Variants in PAMR1 observed in about 807,000 individuals in gnomAD.
The protein encoded by PAMR1 is inactive serine protease PAMR1.
Under a neutral mutation model 81.8 loss-of-function variants are expected in PAMR1, and 88 were observed. That is an observed-to-expected ratio of 1.08 (90% CI 0.91 to 1.28). The LOEUF is 1.28. Among genes scored for constraint, PAMR1 ranks in the 50% most tolerant of loss-of-function variants. The probability of loss-of-function intolerance (pLI) is 0.00; values close to 1 mark genes in which losing one functional copy is unlikely to be tolerated. For synonymous variants in PAMR1, 336 were observed against 345.3 expected, an observed-to-expected ratio of 0.97 and a Z score of 0.30; for missense variants, 935 against 919.7, an observed-to-expected ratio of 1.02 and a Z score of -0.21.
chr11:35,433,879 G>C (rs532151060), intron 10 of PAMR1, among the ~76,000 whole-genome samples: 1 of 152,198 alleles, frequency 6.6e-6, no homozygotes, highest in East Asian at 1.9e-4. Context: ...TGGATGAAAA[G>C]ATAGATGGAT....
At chr11:35,527,864 A>G (rs1732450905), upstream of PAMR1, among the ~76,000 whole-genome samples, 1 of 151,826 alleles carries the variant, frequency 6.6e-6, no homozygotes, top group Non-Finnish European at 1.5e-5. Flanking sequence ...AGCACACCTT[A>G]CTCCTAAACC....
chr11:35,468,750 A>C (rs1856801084), intron 5 of PAMR1, among the ~76,000 whole-genome samples: 1 of 152,236 alleles, frequency 6.6e-6, no homozygotes, highest in Non-Finnish European at 1.5e-5. Flanking sequence ...ATACATTGTG[A>C]ATTTCAAGCT....
intron 2 of PAMR1, among the ~76,000 whole-genome samples, chr11:35,492,896 C>T (rs1048944253): frequency 6.6e-6 from 1 of 152,162 alleles, no homozygotes; most frequent in African/African-American, 2.4e-5. Context: ...GATTCAATCC[C>T]ACTTAACAAA....
intron 3 of PAMR1, among the ~76,000 whole-genome samples, chr11:35,491,791 A>T (rs1380505851): frequency 6.6e-6 from 1 of 152,244 alleles, no homozygotes; most frequent in Non-Finnish European, 1.5e-5. Context: ...TAAAGCAGAA[A>T]GCCTTGGCCT....
At position 35,470,933 on chromosome 11, in the gene PAMR1, G is replaced by T. The variant is rs951676289; in HGVS notation, c.495-115C>A. On this transcript the variant is annotated intron_variant, in intron 4 of 10. Transcript: ENST00000619888. ...GCCTGAGGAACAGATGGTGTCACTG[G>T]CCTGATCGGATAGGAAAATGGTCCT... 4.2e-6 allele frequency: 3 copies of T among 711,828 alleles called. No homozygotes were observed. In the African/African-American group the frequency reaches 5.3e-5, roughly 13 times the overall value. 44.1% of individuals were successfully genotyped at this position (711,828 alleles called of 1,614,324 possible).
intron 6 of PAMR1, among the ~76,000 whole-genome samples, chr11:35,449,415 G>T (rs1045899977): frequency 6.6e-6 from 1 of 152,218 alleles, no homozygotes. Flanking sequence ...CCCCTGGCTG[G>T]AGTTGCCGGA....
chr11:35,446,901 T>C (rs1331164832), intron 6 of PAMR1, among the ~76,000 whole-genome samples: 1 of 152,210 alleles, frequency 6.6e-6, no homozygotes, highest in Non-Finnish European at 1.5e-5. Context: ...GTTAATTTTC[T>C]GTCTTGATGA....
chr11:35,463,384 G>C (rs1390370152), intron 6 of PAMR1, among the ~76,000 whole-genome samples: 1 of 152,192 alleles, frequency 6.6e-6, no homozygotes. Context: ...GAGTTAGCCT[G>C]TTTCATCGTC....
chr11:35,522,206 G>A (rs531103355), intron 1 of PAMR1, among the ~76,000 whole-genome samples: 1 of 152,308 alleles, frequency 6.6e-6, no homozygotes, highest in South Asian at 2.1e-4. Context: ...ATAGGCATGA[G>A]CCACTGCGCC....
intron 3 of PAMR1, among the ~76,000 whole-genome samples, chr11:35,484,735 C>T (rs982286591): frequency 1.3e-5 from 2 of 152,226 alleles, no homozygotes; most frequent in African/African-American, 4.8e-5. Flanking sequence ...GCTTTCCTAA[C>T]CTCCTTAGAT....
chr11:35,512,037 C>T (rs151045231), intron 1 of PAMR1, among the ~76,000 whole-genome samples: 2 of 152,342 alleles, frequency 1.3e-5, no homozygotes, highest in African/African-American at 4.8e-5. Flanking sequence ...CTCACAGCTG[C>T]TCCTGTTAAC....
In PAMR1 at chr11:35,434,401, G is replaced by A; in HGVS notation, c.1626+111C>T. On this transcript the variant is annotated intron_variant, in intron 10 of 10. Transcript: ENST00000619888. The stretch of plus-strand genomic sequence containing the variant: ...GAACGCTGCTATATGCGAGGCTCTG[G>A]GCTGGCTGCTGACATGCTAAGGGGA... 3 of 1,019,876 alleles carry A rather than the reference G, an allele frequency of 2.9e-6. No homozygotes were observed. The East Asian group carries it at 7.2e-5, about 24-fold the overall frequency. 63.2% of individuals were successfully genotyped at this position (1,019,876 alleles called of 1,614,324 possible).
chr11:35,450,208 A>C (rs1310630762), intron 6 of PAMR1, among the ~76,000 whole-genome samples: 1 of 151,896 alleles, frequency 6.6e-6, no homozygotes, highest in East Asian at 1.9e-4. Flanking sequence ...AAAAATAAAT[A>C]ACTTTCCTAT....
chr11:35,465,729 T>A (rs1565338072), intron 6 of PAMR1, among the ~76,000 whole-genome samples: 1 of 152,242 alleles, frequency 6.6e-6, no homozygotes, highest in Non-Finnish European at 1.5e-5. Context: ...CACTTCACTA[T>A]AACTACATGT....
At position 35,481,559 on chromosome 11, in the gene PAMR1, G is replaced by A. The variant is rs572326005; in HGVS notation, c.380-6815C>T. The stretch of plus-strand genomic sequence containing the variant: ...TTGTTTTGAGACAGATTCTTGCTCC[G>A]TTGCCCAGGCTGGAGTGCAGTGGCA... On this transcript the variant is annotated intron_variant, in intron 3 of 10. Coordinates refer to ENST00000619888, the MANE Select transcript of PAMR1 (RefSeq NM_001001991.3). Among the ~76,000 whole-genome samples, 19 of 152,106 alleles carry A rather than the reference G, an allele frequency of 1.2e-4. No homozygotes were observed. The South Asian group carries it at 1.5e-3, about 12-fold the overall frequency.
intron 3 of PAMR1, among the ~76,000 whole-genome samples, chr11:35,478,983 T>C (rs898613447): frequency 1.4e-4 from 21 of 152,178 alleles, no homozygotes; most frequent in Non-Finnish European, 2.8e-4. Flanking sequence ...GGATAGTCCC[T>C]GCTTCTACAG....
At chr11:35,501,206 A>G (rs369895746) in intron 1 of PAMR1, among the ~76,000 whole-genome samples, 3 of 150,730 alleles carry the variant, frequency 2.0e-5, no homozygotes, top group Non-Finnish European at 3.0e-5. Flanking sequence ...TCTCGGCTCA[A>G]TGCAACCTCT....
intron 7 of PAMR1, among the ~76,000 whole-genome samples, chr11:35,440,922 G>T (rs1395370519): frequency 1.3e-5 from 2 of 152,054 alleles, no homozygotes; most frequent in Non-Finnish European, 2.9e-5. Flanking sequence ...TCATGCAATT[G>T]TCCCTATTTC....
At chr11:35,509,538 G>T (rs1282633596) in intron 1 of PAMR1, among the ~76,000 whole-genome samples, 5 of 152,252 alleles carry the variant, frequency 3.3e-5, no homozygotes, top group Non-Finnish European at 5.9e-5. Flanking sequence ...CATTATTTCA[G>T]CTAAAATGTT....
Sources: gnomAD v4.1 joint callset for allele counts (sites outside exome capture counted in the v4.1 genomes callset) on GRCh38, gnomAD v4.1.1 for gene constraint, MANE v1.5 for transcripts, NCBI Gene and HGNC (gene_info 2026-07-23, HGNC 2026-07-21) for gene names.